The following CTNNA1 variants were observed in gnomAD, a reference collection of about 807,000 sequenced individuals.
CTNNA1 encodes the protein catenin alpha 1.
In CTNNA1, 37 loss-of-function variants were observed where a neutral mutation model predicts 98.4. The ratio of observed to expected loss-of-function variants is 0.38; its 90% CI spans 0.29 to 0.49. CTNNA1 has a LOEUF of 0.49. Among genes scored for constraint, CTNNA1 ranks in the 20% least tolerant of loss-of-function variants. The pLI is 0.95. For missense variants in CTNNA1, 761 were observed against 1,147.2 expected, an observed-to-expected ratio of 0.66 and a Z score of 4.86; for synonymous variants, 404 against 413.2, an observed-to-expected ratio of 0.98 and a Z score of 0.27.
At chr5:138,910,998 G>A (rs1435235001) in intron 10 of CTNNA1, among the ~76,000 whole-genome samples, 1 of 152,158 alleles carries the variant, frequency 6.6e-6, no homozygotes, top group Admixed American at 6.6e-5. Context: ...CAGCACTTTG[G>A]GAGGCCAAGA....
chr5:138,927,150 C>G (rs1323115495), intron 13 of CTNNA1, among the ~76,000 whole-genome samples: 1 of 152,200 alleles, frequency 6.6e-6, no homozygotes, highest in African/African-American at 2.4e-5. Flanking sequence ...CTGTTCCCAT[C>G]CTGGGTGCCT....
chr5:138,875,164 C>T (rs779153256), intron 7 of CTNNA1: 12 of 412,092 alleles, frequency 2.9e-5, no homozygotes, highest in African/African-American at 4.1e-5. Context: ...TTAAATTTCT[C>T]CACCTCTAAC....
rs531190311 is a variant in CTNNA1 at position 138,875,061 on chromosome 5, G to A, written c.1063-11151G>A. On this transcript the variant is annotated intron_variant, in intron 7 of 17. Coordinates refer to ENST00000302763, the MANE Select transcript of CTNNA1 (RefSeq NM_001903.5). ...CAAGTAAAATTGAATCCACCAGGACGAGTTGTTTTTTCCTTAGGATATCCC... is the reference window on the plus strand; with the variant it reads ...CAAGTAAAATTGAATCCACCAGGACAAGTTGTTTTTTCCTTAGGATATCCC... 32 of 709,210 alleles carry A rather than the reference G, an allele frequency of 4.5e-5. No homozygotes were observed. In the East Asian group the frequency reaches 6.2e-4, roughly 14 times the overall value. The allele number at this position is 709,210 out of a possible 1,614,324, so 43.9% of individuals were successfully genotyped here.
chr5:138,809,975 A>T (rs574481555), intron 3 of CTNNA1, 63 bp from the exon 4 acceptor site: 31 of 1,511,118 alleles, frequency 2.1e-5, no homozygotes, highest in Admixed American at 3.9e-5. Flanking sequence ...TTATATTTTT[A>T]AAAATGTAGA....
intron 7 of CTNNA1, among the ~76,000 whole-genome samples, chr5:138,854,712 A>G (rs138449832): frequency 7.7e-4 from 117 of 152,332 alleles, no homozygotes; most frequent in African/African-American, 2.7e-3. Context: ...CCTTCTTTGG[A>G]TAATTTTTTC....
At chr5:138,892,335 T>G (rs1466419144) in intron 9 of CTNNA1, among the ~76,000 whole-genome samples, 1 of 68,944 alleles carries the variant, frequency 1.5e-5, no homozygotes, top group Non-Finnish European at 3.5e-5. Flanking sequence ...TTAGTTTTTT[T>G]TTTTTTTTTT....
chr5:138,777,851 A>AGAGAGGGAGAGGGAGACCGTGGG (rs1335577630), intron 1 of CTNNA1, among the ~76,000 whole-genome samples: 1 of 133,800 alleles, frequency 7.5e-6, no homozygotes, highest in African/African-American at 2.8e-5. Context: ...GACCGTGGAA[A>AGAGAGGGAGAGGGAGACCGTGGG]GAGAGGGAGA....
intron 4 of CTNNA1, chr5:138,811,974 C>T (rs1378833503): frequency 4.6e-6 from 2 of 435,124 alleles, no homozygotes; most frequent in Non-Finnish European, 8.3e-6. Context: ...GAATTTTGTA[C>T]TTTTAGAGGC....
intron 7 of CTNNA1, among the ~76,000 whole-genome samples, chr5:138,856,934 C>T (rs756682136): frequency 6.6e-6 from 1 of 152,140 alleles, no homozygotes; most frequent in Non-Finnish European, 1.5e-5. Flanking sequence ...ATAATGAACA[C>T]TTGAAAGTTG....
chr5:138,850,123 C>T (rs1763060688), intron 7 of CTNNA1, among the ~76,000 whole-genome samples: 1 of 152,184 alleles, frequency 6.6e-6, no homozygotes, highest in African/African-American at 2.4e-5. Flanking sequence ...TTTTTTTCCT[C>T]TAAAACAATG....
intron 1 of CTNNA1, among the ~76,000 whole-genome samples, chr5:138,777,670 A>T (rs1205751265): frequency 6.6e-6 from 1 of 151,946 alleles, no homozygotes; most frequent in Non-Finnish European, 1.5e-5. Flanking sequence ...AGCCCGGCTA[A>T]CACAGTGAAA....
At chr5:138,837,011 T>C (rs1426700676) in intron 7 of CTNNA1, among the ~76,000 whole-genome samples, 2 of 152,216 alleles carry the variant, frequency 1.3e-5, no homozygotes, top group African/African-American at 4.8e-5. Flanking sequence ...TCATACACCG[T>C]GTTCATTTCC....
intron 7 of CTNNA1, among the ~76,000 whole-genome samples, chr5:138,828,500 A>G (rs140367454): frequency 1.3e-4 from 20 of 151,992 alleles, no homozygotes; most frequent in Non-Finnish European, 2.1e-4. Flanking sequence ...GGTTCCTGTC[A>G]TTTAGACCTT....
chr5:138,824,399 C>T (rs892070864), intron 5 of CTNNA1, 131 bp from the exon 6 acceptor site: 6 of 1,021,952 alleles, frequency 5.9e-6, no homozygotes, highest in East Asian at 2.6e-5. Context: ...TGACTCTCAA[C>T]TAGATTGTTA....
intron 7 of CTNNA1, among the ~76,000 whole-genome samples, chr5:138,832,185 G>A (rs1761337006): frequency 6.6e-6 from 1 of 152,220 alleles, no homozygotes; most frequent in Non-Finnish European, 1.5e-5. Context: ...CAGCCTTAAT[G>A]TTATTGCTTG....
At chr5:138,755,506 C>A (rs551805828) in intron 1 of CTNNA1, among the ~76,000 whole-genome samples, 1 of 152,292 alleles carries the variant, frequency 6.6e-6, no homozygotes, top group East Asian at 1.9e-4. Context: ...TCCAAAGTAT[C>A]TTTGTCCTCC....
intron 3 of CTNNA1, among the ~76,000 whole-genome samples, chr5:138,803,400 C>T (rs1757770704): frequency 1.3e-5 from 2 of 152,186 alleles, no homozygotes; most frequent in African/African-American, 4.8e-5. Flanking sequence ...AAGTGGTCCT[C>T]CTGCCTGGAC....
At chr5:138,767,803 AAGAATAACAT>A (rs1753102838) in intron 1 of CTNNA1, among the ~76,000 whole-genome samples, 1 of 152,162 alleles carries the variant, frequency 6.6e-6, no homozygotes, top group Non-Finnish European at 1.5e-5. Flanking sequence ...TGTTATTCTG[AAGAATAACAT>A]AACAGGCCCT....
chr5:138,929,366 C>T lies in CTNNA1; in HGVS notation c.2010+10C>T, dbSNP rs752200734. The T allele has an allele frequency of 1.1e-5, 15 of 1,410,650 alleles. No individual in the cohort carries two copies. Among genetic ancestry groups the T allele is most frequent in the South Asian group, 6.9e-5 (6 of 86,964 alleles). 87.4% of individuals were successfully genotyped at this position (1,410,650 alleles called of 1,614,324 possible). The stretch of plus-strand genomic sequence containing the variant: ...TGGCCAGAGTGCCCGGGTAAGGAAG[C>T]GCTCCGTGGGGCAGTTCAGCTTGTG... On this transcript the variant is annotated intron_variant, in intron 14 of 17. Coordinates refer to ENST00000302763, the MANE Select transcript of CTNNA1 (RefSeq NM_001903.5).
Sources: gnomAD v4.1 joint callset for allele counts (sites outside exome capture counted in the v4.1 genomes callset) on GRCh38, gnomAD v4.1.1 for gene constraint, MANE v1.5 for transcripts, NCBI Gene and HGNC (gene_info 2026-07-23, HGNC 2026-07-21) for gene names.